AGBL1: variants seen among roughly 807,000 people sequenced by gnomAD.
AGBL1 encodes the protein cytosolic carboxypeptidase 4.
Under a neutral mutation model 118.9 loss-of-function variants are expected in AGBL1, and 130 were observed. That is an observed-to-expected ratio of 1.09 (90% CI 0.95 to 1.26). AGBL1 has a LOEUF of 1.26. Among genes scored for constraint, AGBL1 ranks in the 50% most tolerant of loss-of-function variants. The probability of loss-of-function intolerance (pLI) is 0.00; values close to 1 mark genes in which losing one functional copy is unlikely to be tolerated. For missense variants in AGBL1, 1,584 were observed against 1,298.1 expected (o/e 1.22, Z -3.38); for synonymous variants, 555 against 478.9 (o/e 1.16, Z -2.08).
intron 18 of AGBL1, among the ~76,000 whole-genome samples, chr15:86,409,985 G>A (rs914933457): frequency 2.6e-5 from 4 of 152,018 alleles, no homozygotes; most frequent in Non-Finnish European, 5.9e-5. Context: ...TCTCTTCTTA[G>A]CATCCCCACT....
chr15:86,254,950 T>C (rs977030804), intron 7 of AGBL1, among the ~76,000 whole-genome samples: 5 of 152,218 alleles, frequency 3.3e-5, no homozygotes, highest in African/African-American at 7.2e-5. Context: ...TTTATAGATT[T>C]TAATACTCCC....
chr15:86,425,817 T>A (rs1363898424), intron 18 of AGBL1, among the ~76,000 whole-genome samples: 2 of 152,184 alleles, frequency 1.3e-5, no homozygotes. Context: ...TTTAATATAC[T>A]GGATAATTCT....
chr15:86,752,768 C>T (rs1004713568), intron 22 of AGBL1, among the ~76,000 whole-genome samples: 1 of 152,088 alleles, frequency 6.6e-6, no homozygotes, highest in African/African-American at 2.4e-5. Context: ...AGAGAGGAAA[C>T]CAAACTCTCT....
intron 24 of AGBL1, among the ~76,000 whole-genome samples, chr15:87,009,938 T>A (rs1298789510): frequency 1.3e-5 from 2 of 152,320 alleles, no homozygotes; most frequent in Middle Eastern, 3.4e-3. Flanking sequence ...TGATTTTACA[T>A]GCTCATATGC....
chr15:86,862,330 A>G lies in AGBL1; in HGVS notation c.3159-44757A>G, dbSNP rs552284784. ...TTAGTATTACTGATAAGTCCTACAG[A>G]TAAGGCTGCTCAAATTGTTTATGAT... On this transcript the variant is annotated intron_variant, in intron 22 of 22. Coordinates refer to ENST00000614907, the MANE Select transcript of AGBL1 (RefSeq NM_001386094.1). Among the ~76,000 whole-genome samples, 10 of 152,334 alleles carry G rather than the reference A, an allele frequency of 6.6e-5. No homozygotes were observed. The South Asian group carries it at 2.1e-3, about 32-fold the overall frequency.
rs1193140073 is a variant in AGBL1 at position 86,915,398 on chromosome 15, C to T, written c.*8104C>T. ...ACTACGTAATTTTCTGGTCTCTTCT[C>T]TTGACATCAGCCCCTGTTAAAGTCA... On this transcript the variant is annotated 3_prime_UTR_variant, in exon 23 of 23. Transcript: ENST00000614907. 6.6e-6 allele frequency: 1 copy of T among 152,236 alleles called. No homozygotes were observed. The highest frequency in any genetic ancestry group is 1.5e-5 in the Non-Finnish European group (1 of 68,088). 9.4% of individuals were successfully genotyped at this position (152,236 alleles called of 1,614,324 possible).
intron 1 of AGBL1, among the ~76,000 whole-genome samples, chr15:86,130,215 C>G (rs1292117852): frequency 6.6e-6 from 1 of 152,132 alleles, no homozygotes; most frequent in Non-Finnish European, 1.5e-5. Flanking sequence ...CTCTGAGACT[C>G]CTGGGCATGT....
chr15:86,192,460 A>T (rs2077738738), intron 5 of AGBL1, among the ~76,000 whole-genome samples: 2 of 151,946 alleles, frequency 1.3e-5, no homozygotes, highest in Admixed American at 6.6e-5. Flanking sequence ...TTTGTCTATC[A>T]CATGGGCCAT....
chr15:86,943,809 A>G (rs2080783607), intron 23 of AGBL1, among the ~76,000 whole-genome samples: 1 of 152,030 alleles, frequency 6.6e-6, no homozygotes, highest in Non-Finnish European at 1.5e-5. Flanking sequence ...GCTGCTTTTT[A>G]TTAAAGGGAA....
intron 21 of AGBL1, among the ~76,000 whole-genome samples, chr15:86,587,862 T>C (rs549753825): frequency 2.6e-5 from 4 of 152,220 alleles, no homozygotes; most frequent in Admixed American, 6.5e-5. Context: ...AGGATCAAAA[T>C]CACAAAGCAA....
At chr15:86,882,649 G>A (rs1333827744) in intron 22 of AGBL1, among the ~76,000 whole-genome samples, 1 of 152,162 alleles carries the variant, frequency 6.6e-6, no homozygotes, top group African/African-American at 2.4e-5. Flanking sequence ...CACCTACTAA[G>A]TTCTCCATGG....
intron 17 of AGBL1, among the ~76,000 whole-genome samples, chr15:86,306,678 A>G (rs1028341291): frequency 2.6e-5 from 4 of 152,300 alleles, no homozygotes; most frequent in Non-Finnish European, 4.4e-5. Flanking sequence ...TTGAGTATAT[A>G]TCCAGCAGTG....
chr15:86,797,380 A>T (rs2078588133), intron 22 of AGBL1, among the ~76,000 whole-genome samples: 1 of 152,208 alleles, frequency 6.6e-6, no homozygotes, highest in East Asian at 1.9e-4. Flanking sequence ...AATAGAATGG[A>T]AAACCACGCT....
At chr15:86,201,616 T>C (rs916623070) in intron 5 of AGBL1, among the ~76,000 whole-genome samples, 9 of 152,176 alleles carry the variant, frequency 5.9e-5, no homozygotes, top group African/African-American at 2.2e-4. Context: ...GATTAGGTGA[T>C]AGCAGCTAGC....
At chr15:86,171,921 T>C (rs1266725105) in intron 5 of AGBL1, among the ~76,000 whole-genome samples, 2 of 152,216 alleles carry the variant, frequency 1.3e-5, no homozygotes, top group African/African-American at 4.8e-5. Context: ...ACTATTATTC[T>C]AAGTGAAGTA....
At chr15:86,989,918 A>C (rs2081322097) in intron 24 of AGBL1, among the ~76,000 whole-genome samples, 1 of 152,186 alleles carries the variant, frequency 6.6e-6, no homozygotes, top group Non-Finnish European at 1.5e-5. Flanking sequence ...AGGATGGCGA[A>C]GGGGTGGCAA....
intron 17 of AGBL1, among the ~76,000 whole-genome samples, chr15:86,343,600 G>A (rs989248622): frequency 6.6e-6 from 1 of 152,162 alleles, no homozygotes; most frequent in Admixed American, 6.5e-5. Flanking sequence ...TTGAAATCAT[G>A]TTTGTGCTCA....
chr15:86,260,359 C>A (rs535259341), intron 9 of AGBL1, among the ~76,000 whole-genome samples: 11 of 152,066 alleles, frequency 7.2e-5, no homozygotes, highest in Non-Finnish European at 1.3e-4. Context: ...ATCTTTTATC[C>A]ATAAAGGGCT....
chr15:86,262,734 T>C (rs989397146), intron 9 of AGBL1, 44 bp from the exon 10 acceptor site: 3 of 1,309,834 alleles, frequency 2.3e-6, no homozygotes. Context: ...CTTCTCAGGG[T>C]GGATTTCCTG....
Sources: allele counts gnomAD v4.1 joint callset (sites outside exome capture counted in the v4.1 genomes callset), GRCh38; gene constraint gnomAD v4.1.1; transcripts MANE v1.5; gene names NCBI Gene and HGNC (gene_info 2026-07-23, HGNC 2026-07-21).